The following B3GAT2 variants were observed in gnomAD, a reference collection of about 807,000 sequenced individuals.
The protein encoded by B3GAT2 is beta-1,3-glucuronyltransferase 2.
B3GAT2 carries 26 observed loss-of-function variants against 27.8 expected under a neutral mutation model. The ratio of observed to expected loss-of-function variants is 0.93; its 90% CI spans 0.68 to 1.30. The LOEUF (loss-of-function observed/expected upper bound fraction) is 1.30. B3GAT2 is among the 50% of genes most tolerant of loss of function. The pLI is 0.00. For synonymous variants in B3GAT2, 218 were observed against 195.1 expected (o/e 1.12, Z -0.98); for missense variants, 458 against 459.0 (o/e 1.00, Z 0.02).
Position 70,946,216 on chromosome 6 carries a change from A to T in B3GAT2, c.591+9623T>A, listed in dbSNP as rs896426631. The stretch of plus-strand genomic sequence containing the variant: ...CATAATGACAGGATCAAATTCACAC[A>T]TAACAATATTAACTTTAAATGTAAA... On this transcript the variant is annotated intron_variant, in intron 1 of 3. Coordinates refer to ENST00000230053, the MANE Select transcript of B3GAT2 (RefSeq NM_080742.3). Among the ~76,000 whole-genome samples the T allele has an allele frequency of 2.6e-5, 4 of 152,194 alleles. No individual in the cohort carries two copies. The East Asian group carries it at 7.7e-4, about 29-fold the overall frequency.
chr6:70,949,346 A>G (rs1765542140), intron 1 of B3GAT2, among the ~76,000 whole-genome samples: 1 of 152,248 alleles, frequency 6.6e-6, no homozygotes, highest in Admixed American at 6.5e-5. Context: ...AATGAACTCA[A>G]ACAAATTTAC....
At chr6:70,894,855 A>T (rs1772352031) in intron 1 of B3GAT2, among the ~76,000 whole-genome samples, 1 of 152,232 alleles carries the variant, frequency 6.6e-6, no homozygotes, top group South Asian at 2.1e-4. Context: ...CAATTGGGCC[A>T]AACTAGAGAC....
Position 70,956,283 on chromosome 6 carries a change from G to A in B3GAT2, c.147C>T (p.Gly49=), listed in dbSNP as rs1574490. The change falls in exon 1 of 4, where the codon GGC becomes GGT. Residue 49 remains glycine, a synonymous_variant. Transcript: ENST00000230053. Reference sequence around the variant, plus strand: ...CGCCCCTGCGGAGCGGGAGTCGGGCGCCCCCGCGGCCCACCGCGTAGGGAG... The same window carrying A: ...CGCCCCTGCGGAGCGGGAGTCGGGCACCCCCGCGGCCCACCGCGTAGGGAG... ...YFSPYAVGRG[G]ARLPLRRGGP... is the part of the protein sequence containing the mutation. The A allele has an allele frequency of 0.44, 702,925 of 1,602,954 alleles. 157,857 individuals carry two copies. Among genetic ancestry groups the A allele is most frequent in the Admixed American group, 0.64 (37,352 of 58,314 alleles).
At chr6:70,892,318 A>G (rs1772303302) in intron 2 of B3GAT2, among the ~76,000 whole-genome samples, 1 of 152,200 alleles carries the variant, frequency 6.6e-6, no homozygotes, top group Non-Finnish European at 1.5e-5. Context: ...AATGTGACCC[A>G]AATTCTAGGG....
At chr6:70,888,408 T>C (rs1380582019) in intron 2 of B3GAT2, among the ~76,000 whole-genome samples, 1 of 152,192 alleles carries the variant, frequency 6.6e-6, no homozygotes, top group African/African-American at 2.4e-5. Flanking sequence ...TTTATCACCA[T>C]ACCATACAAC....
intron 1 of B3GAT2, among the ~76,000 whole-genome samples, chr6:70,918,746 G>A (rs1772817999): frequency 6.6e-6 from 1 of 152,190 alleles, no homozygotes; most frequent in Non-Finnish European, 1.5e-5. Flanking sequence ...GGCTTGTAGT[G>A]TTTCTGCTGA....
chr6:70,861,814 C>G lies in B3GAT2; in HGVS notation c.885+16G>C. The G allele has an allele frequency of 6.2e-7, 1 of 1,614,030 alleles. No individual in the cohort carries two copies. Among genetic ancestry groups the G allele is most frequent in the Non-Finnish European group, 8.5e-7 (1 of 1,179,968 alleles). On this transcript the variant is annotated intron_variant, in intron 3 of 3. Transcript: ENST00000230053. ...TGGTGACACTCGAGGTCGGGCAGCA[C>G]AAGTGTAATGAATACCTTAGTGCAG...
intron 1 of B3GAT2, among the ~76,000 whole-genome samples, chr6:70,897,347 A>G (rs765054722): frequency 3.0e-4 from 46 of 152,154 alleles, no homozygotes; most frequent in Non-Finnish European, 5.9e-4. Context: ...TTTCATTCTT[A>G]TAACAGTGTC....
At chr6:70,894,336 T>G in intron 1 of B3GAT2, 64 bp from the exon 2 acceptor site, 3 of 1,468,266 alleles carry the variant, frequency 2.0e-6, no homozygotes, top group South Asian at 1.4e-5. Flanking sequence ...GAAATGAATG[T>G]GATCTATGTA....
At chr6:70,871,218 T>G (rs563094805) in intron 2 of B3GAT2, among the ~76,000 whole-genome samples, 82 of 60,340 alleles carry the variant, frequency 1.4e-3, no homozygotes, top group Middle Eastern at 0.01. Flanking sequence ...GTTTTTTTTT[T>G]TTTGTTTTTT....
intron 1 of B3GAT2, among the ~76,000 whole-genome samples, chr6:70,947,622 A>G (rs1765513330): frequency 1.3e-5 from 2 of 151,326 alleles, no homozygotes; most frequent in Non-Finnish European, 3.0e-5. Flanking sequence ...CCAGGACCAG[A>G]TGGATTCACA....
chr6:70,861,084 T>A lies in B3GAT2; in HGVS notation c.*579A>T, dbSNP rs1771703507. The A allele has an allele frequency of 5.3e-6, 1 of 188,280 alleles. No individual in the cohort carries two copies. Among genetic ancestry groups the A allele is most frequent in the Admixed American group, 6.1e-5 (1 of 16,518 alleles). 11.7% of individuals were successfully genotyped at this position (188,280 alleles called of 1,614,324 possible). A position where few individuals can be genotyped will look rare whatever the true frequency, so the allele number is the denominator to read the frequency against. On this transcript the variant is annotated 3_prime_UTR_variant, in exon 4 of 4. Transcript: ENST00000230053. ...TTCAATCCTTGAAGGTATATCTAGGTTTATGACAGTAATTGTGTTTACATT... is the reference window on the plus strand; with the variant it reads ...TTCAATCCTTGAAGGTATATCTAGGATTATGACAGTAATTGTGTTTACATT...
intron 1 of B3GAT2, among the ~76,000 whole-genome samples, chr6:70,949,176 A>C (rs1237390462): frequency 6.6e-6 from 1 of 152,064 alleles, no homozygotes; most frequent in African/African-American, 2.4e-5. Flanking sequence ...CACCAAAAGC[A>C]TTGGCAACAA....
chr6:70,918,890 G>A (rs1001693752), intron 1 of B3GAT2, among the ~76,000 whole-genome samples: 4 of 152,032 alleles, frequency 2.6e-5, no homozygotes, highest in African/African-American at 4.8e-5. Context: ...TGCTCTTCTC[G>A]AGGAGTATCT....
intron 1 of B3GAT2, among the ~76,000 whole-genome samples, chr6:70,947,063 CTG>C (rs1455792993): frequency 6.6e-6 from 1 of 151,996 alleles, no homozygotes; most frequent in Non-Finnish European, 1.5e-5. Context: ...ACCAGAATCT[CTG>C]GGACACATTC....
At chr6:70,927,469 G>A (rs1019449832) in intron 1 of B3GAT2, among the ~76,000 whole-genome samples, 5 of 152,234 alleles carry the variant, frequency 3.3e-5, no homozygotes, top group East Asian at 1.9e-4. Context: ...TCAAAATAAA[G>A]GGATGGAGGA....
chr6:70,884,546 A>G (rs1187847728), intron 2 of B3GAT2, among the ~76,000 whole-genome samples: 1 of 152,164 alleles, frequency 6.6e-6, no homozygotes, highest in Non-Finnish European at 1.5e-5. Context: ...GGACACTGAC[A>G]TGAGCGCCAC....
At chr6:70,951,974 T>C (rs1765584696) in intron 1 of B3GAT2, among the ~76,000 whole-genome samples, 1 of 152,212 alleles carries the variant, frequency 6.6e-6, no homozygotes, top group Middle Eastern at 3.4e-3. Context: ...ATGTTTCCTT[T>C]CAGGAAACAT....
At chr6:70,955,384 C>T (rs1765637055) in intron 1 of B3GAT2, among the ~76,000 whole-genome samples, 1 of 151,914 alleles carries the variant, frequency 6.6e-6, no homozygotes, top group Non-Finnish European at 1.5e-5. Context: ...CACTGAAAAG[C>T]CTCGAGTAAC....
Sources: gnomAD v4.1 joint callset for allele counts (sites outside exome capture counted in the v4.1 genomes callset) on GRCh38, gnomAD v4.1.1 for gene constraint, MANE v1.5 for transcripts, NCBI Gene and HGNC (gene_info 2026-07-23, HGNC 2026-07-21) for gene names.